Variants in ABCB9 observed in about 807,000 individuals in gnomAD.
The protein encoded by ABCB9 is ATP binding cassette subfamily B member 9, also known as ABC-type oligopeptide transporter ABCB9.
A neutral mutation model predicts 62.0 loss-of-function variants in ABCB9; 36 were observed. That is an observed-to-expected ratio of 0.58 (90% confidence interval 0.45 to 0.77). The LOEUF (loss-of-function observed/expected upper bound fraction) is 0.77. ABCB9 is among the 30% of genes least tolerant of loss of function. The pLI, the probability that ABCB9 is intolerant of heterozygous loss-of-function variation, is 0.00. For missense variants in ABCB9, 943 were observed against 1,054.7 expected (o/e 0.89, Z 1.47); for synonymous variants, 435 against 461.4 (o/e 0.94, Z 0.73).
intron 1 of ABCB9, among the ~76,000 whole-genome samples, chr12:122,961,069 A>G (rs925918604): frequency 4.6e-5 from 7 of 152,072 alleles, no homozygotes; most frequent in African/African-American, 1.7e-4. Context: ...CTCTAAAAAA[A>G]AAAATTTTTT....
At chr12:122,960,686 T>C (rs1269281643) in intron 1 of ABCB9, among the ~76,000 whole-genome samples, 1 of 150,240 alleles carries the variant, frequency 6.7e-6, no homozygotes, top group Non-Finnish European at 1.5e-5. Context: ...AAGACCAGCC[T>C]GGCCAACATG....
chr12:122,919,149 T>C (rs1339716186), downstream of ABCB9, among the ~76,000 whole-genome samples: 1 of 152,150 alleles, frequency 6.6e-6, no homozygotes, highest in Non-Finnish European at 1.5e-5. Flanking sequence ...CATTCATACA[T>C]TGGATTGTTT....
At chr12:122,924,470 T>C, downstream of ABCB9, 1 of 536,898 alleles carries the variant, frequency 1.9e-6, no homozygotes, top group Non-Finnish European at 2.7e-6. Flanking sequence ...ACTCAAGTGA[T>C]CCTCCCACCT....
intron 11 of ABCB9, among the ~76,000 whole-genome samples, chr12:122,923,030 G>C (rs2034788142): frequency 6.6e-6 from 1 of 151,550 alleles, no homozygotes; most frequent in East Asian, 1.9e-4. Flanking sequence ...GGCTGGTCTT[G>C]AACTCCTAGA....
downstream of ABCB9, among the ~76,000 whole-genome samples, chr12:122,927,316 C>T (rs1256324911): frequency 3.3e-5 from 5 of 152,102 alleles, no homozygotes; most frequent in Non-Finnish European, 7.4e-5. Context: ...GGACTACAGG[C>T]GTGTGCCAAC....
intron 5 of ABCB9, 155 bp from the exon 6 acceptor site, chr12:122,946,377 C>A: frequency 1.4e-6 from 1 of 710,964 alleles, no homozygotes; most frequent in Non-Finnish European, 2.3e-6. Context: ...GCCCTTTCTC[C>A]CCCATCCCCT....
At position 122,930,022 on chromosome 12, in the gene ABCB9, C is replaced by T. The variant is rs911050418; in HGVS notation, c.2190G>A (p.Gln730=). Residue 730 remains glutamine, a synonymous_variant, in exon 12 of 12, where the codon CAG becomes CAA. Transcript: ENST00000280560. This position sits in a 1 kb window ranked among gnomAD's most constrained non-coding sequence, Gnocchi z 4.9. ...GCACCAGCTTGGCGTAGAGGCCGCC[C>T]TGGGCCAGCAGCTGCTGGTGGGTGC... The part of the protein sequence containing the change: ...QQGTHQQLLA[Q]GGLYAKLVQR... 10 of 1,574,268 alleles carry T rather than the reference C, an allele frequency of 6.4e-6. No individual in the cohort carries two copies. In the African/African-American group the frequency reaches 1.1e-4, roughly 17 times the overall value.
downstream of ABCB9, among the ~76,000 whole-genome samples, chr12:122,918,709 C>T (rs905622358): frequency 1.3e-5 from 2 of 152,074 alleles, no homozygotes; most frequent in African/African-American, 4.8e-5. Flanking sequence ...CCTCCCACTT[C>T]GGCCTCCTAA....
chr12:122,959,370 A>G lies in ABCB9; in HGVS notation c.601+265T>C, dbSNP rs1226468673. Among the ~76,000 whole-genome samples the G allele has an allele frequency of 6.6e-6, 1 of 151,430 alleles. No individual in the cohort carries two copies. Among genetic ancestry groups the G allele is most frequent in the Non-Finnish European group, 1.5e-5 (1 of 67,938 alleles). On this transcript the variant is annotated intron_variant, in intron 2 of 11. Transcript: ENST00000280560. This position sits in a 1 kb window ranked among gnomAD's most constrained non-coding sequence, Gnocchi z 5.4. ...ATGTTTCGAAAAAATAAATAAATAC[A>G]ATAAATAAATAAATAAATAAAATAG... is the stretch of plus-strand genomic sequence containing the variant.
At chr12:122,941,282 C>A (rs1293071996) in intron 7 of ABCB9, among the ~76,000 whole-genome samples, 1 of 151,760 alleles carries the variant, frequency 6.6e-6, no homozygotes, top group African/African-American at 2.4e-5. Context: ...GGGAATCCAG[C>A]CTTGATCTTT....
In ABCB9 at chr12:122,929,403, A is replaced by G; in HGVS notation, c.*508T>C. On this transcript the variant is annotated 3_prime_UTR_variant, in exon 12 of 12. Transcript: ENST00000280560. The surrounding 1 kb of genome is among the most constrained non-coding windows in gnomAD (Gnocchi z 6.0). ...AGCTGGCAAGAGGGAGAGACGGAAA[A>G]TCCCGTTCCCCGTGTCTCCCTCCGG... The G allele has an allele frequency of 1.0e-6, 1 of 986,308 alleles. No individual in the cohort carries two copies. Among genetic ancestry groups the G allele is most frequent in the Non-Finnish European group, 1.2e-6 (1 of 830,306 alleles). 61.1% of individuals were successfully genotyped at this position (986,308 alleles called of 1,614,324 possible). A position where few individuals can be genotyped will look rare whatever the true frequency, so the allele number is the denominator to read the frequency against.
At chr12:122,923,139 G>A (rs2034791469) in intron 11 of ABCB9, among the ~76,000 whole-genome samples, 3 of 151,026 alleles carry the variant, frequency 2.0e-5, no homozygotes, top group Admixed American at 2.0e-4. Context: ...GTCTCACTCT[G>A]TCGCCCAGGC....
Position 122,948,665 on chromosome 12 carries a change from T to G in ABCB9, c.1012A>C (p.Ile338Leu), listed in dbSNP as rs747636007. 8.7e-6 allele frequency: 14 copies of G among 1,613,874 alleles called. No individual in the cohort carries two copies. The South Asian group carries it at 1.5e-4, about 18-fold the overall frequency. Residue 338 changes from isoleucine to leucine, a missense_variant, in exon 5 of 12, where the codon ATC becomes CTC. Physicochemically the swap from Ile to Leu is conservative, Grantham distance 5 (BLOSUM62 2). Transcript: ENST00000280560. ...TAGATGTTGGACACCATCATGATGA[T>G]GGGGAAGCCCATGAAGGTGACCAAG... ...LSLVTFMGFP[I>L]IMMVSNIYGK...
chr12:122,960,279 C>A lies in ABCB9; in HGVS notation c.-44G>T. ...GCGGGTGCTGAAGGCCAGGTTGTAG[C>A]TCACGGGGGCAAGGCCATCATCATC... On this transcript the variant is annotated 5_prime_UTR_variant, in exon 2 of 12. Transcript: ENST00000280560. 1 of 1,582,368 alleles carries A rather than the reference C, an allele frequency of 6.3e-7. No homozygotes were observed. Among genetic ancestry groups the A allele is most frequent in the South Asian group, 1.2e-5 (1 of 85,824 alleles).
intron 1 of ABCB9, among the ~76,000 whole-genome samples, chr12:122,963,719 T>TG (rs138901562): frequency 0.019 from 2,903 of 150,888 alleles, 75 homozygotes; most frequent in African/African-American, 0.067. Context: ...GGGAATGGAG[T>TG]GGGGGGATAT....
downstream of ABCB9, among the ~76,000 whole-genome samples, chr12:122,919,881 G>GTTTATTTA (rs200114805): frequency 0.011 from 1,485 of 138,858 alleles, 33 homozygotes; most frequent in Middle Eastern, 0.014. Context: ...CTGTTTGTTT[G>GTTTATTTA]TTTATTTATT....
intron 1 of ABCB9, among the ~76,000 whole-genome samples, chr12:122,965,603 C>T (rs1041132512): frequency 5.9e-5 from 9 of 152,224 alleles, no homozygotes; most frequent in Non-Finnish European, 8.8e-5. Context: ...GCGCGAGGTG[C>T]CCTCCCTCCA....
intron 2 of ABCB9, among the ~76,000 whole-genome samples, chr12:122,958,560 C>T (rs1054056154): frequency 6.6e-6 from 1 of 152,194 alleles, no homozygotes; most frequent in Non-Finnish European, 1.5e-5. Flanking sequence ...GAAACACAGC[C>T]AGGCATTGTG....
rs2035220250 is a variant in ABCB9, at chr12:122,932,325, G to A, written c.1907C>T (p.Thr636Ile). The A allele has an allele frequency of 3.2e-6, 5 of 1,550,522 alleles. No individual in the cohort carries two copies. The highest frequency in any genetic ancestry group is 4.4e-6 in the Non-Finnish European group (5 of 1,146,664). Residue 636 changes from threonine (T) to isoleucine (I), a missense_variant, in exon 11 of 12, where the codon ACA becomes ATA. Physicochemically the swap from Thr to Ile is moderately conservative, Grantham distance 89. Transcript: ENST00000280560. This position sits in a 1 kb window ranked among gnomAD's most constrained non-coding sequence, Gnocchi z 4.7. Reference protein sequence around the residue: ...MELQDGYSTETGEKGAQLSGG... With the variant: ...MELQDGYSTEIGEKGAQLSGG... ...TGACAGCTGGGCGCCCTTCTCCCCT[G>A]TCTCTGTATGGTGGAGGCACAGAGA...
Sources: gnomAD v4.1 joint callset for allele counts (sites outside exome capture counted in the v4.1 genomes callset) on GRCh38, gnomAD v4.1.1 for gene constraint, Gnocchi (gnomAD v3.1) non-coding constraint, MANE v1.5 for transcripts, NCBI Gene and HGNC (gene_info 2026-07-23, HGNC 2026-07-21) for gene names.